Variants in MYO6 observed in about 807,000 individuals in gnomAD.
MYO6 encodes myosin VI, also known as unconventional myosin-VI.
MYO6 carries 74 observed loss-of-function variants against 178.7 expected under a neutral mutation model. That is an observed-to-expected ratio of 0.41 (90% CI 0.34 to 0.50). MYO6 has a LOEUF of 0.50. Among genes scored for constraint, MYO6 ranks in the 20% least tolerant of loss-of-function variants. MYO6 has a pLI of 0.09. For synonymous variants in MYO6, 477 were observed against 504.6 expected, an observed-to-expected ratio of 0.95 and a Z score of 0.73; for missense variants, 1,330 against 1,547.4, an observed-to-expected ratio of 0.86 and a Z score of 2.36.
At chr6:75,853,313 T>C (rs1217605333) in intron 11 of MYO6, among the ~76,000 whole-genome samples, 1 of 152,220 alleles carries the variant, frequency 6.6e-6, no homozygotes, top group African/African-American at 2.4e-5. Flanking sequence ...GATAGTGTTC[T>C]TTGAAACTCA....
chr6:75,874,741 C>G (rs1482059914), intron 20 of MYO6, among the ~76,000 whole-genome samples: 2 of 152,206 alleles, frequency 1.3e-5, no homozygotes, highest in Non-Finnish European at 2.9e-5. Flanking sequence ...ATTTCTCTTA[C>G]AGCTACCTCT....
chr6:75,916,925 T>C lies in MYO6; in HGVS notation c.*1913T>C, dbSNP rs753214139. ...TAATAGTTAATACAATTATAGTTAA[T>C]CTTAAGCCATAATGTTTCTAATCAT... On this transcript the variant is annotated 3_prime_UTR_variant, in exon 35 of 35. Transcript: ENST00000369977. 6.6e-5 allele frequency: 10 copies of C among 152,226 alleles called. No homozygotes were observed. Among genetic ancestry groups the C allele is most frequent in the Non-Finnish European group, 1.2e-4 (8 of 68,032 alleles). 9.4% of individuals were successfully genotyped at this position (152,226 alleles called of 1,614,324 possible).
chr6:75,852,384 A>G (rs1326949809), intron 11 of MYO6, among the ~76,000 whole-genome samples: 1 of 151,910 alleles, frequency 6.6e-6, no homozygotes, highest in Non-Finnish European at 1.5e-5. Flanking sequence ...CATACAGTTC[A>G]CTCAATTGAA....
intron 3 of MYO6, 89 bp downstream of exon 3, chr6:75,822,940 C>G: frequency 9.9e-7 from 1 of 1,013,382 alleles, no homozygotes; most frequent in Non-Finnish European, 1.6e-6. Flanking sequence ...AACTGATACA[C>G]TGTGCGGGTT....
At chr6:75,812,958 C>T (rs1770841178) in intron 1 of MYO6, among the ~76,000 whole-genome samples, 1 of 152,174 alleles carries the variant, frequency 6.6e-6, no homozygotes, top group African/African-American at 2.4e-5. Context: ...TCTTGAGTTC[C>T]TAGCAGTGGG....
rs1429764803 is a variant in MYO6, at chr6:75,890,137, A to C, written c.2739A>C (p.Leu913Phe). The C allele has an allele frequency of 1.9e-6, 3 of 1,614,004 alleles. No individual in the cohort carries two copies. The highest frequency in any genetic ancestry group is 1.3e-5 in the African/African-American group (1 of 75,020). Residue 913 changes from leucine to phenylalanine, a missense_variant, in exon 26 of 35, where the codon TTA becomes TTC. Leu to Phe is a conservative substitution (Grantham distance 22). Coordinates refer to ENST00000369977, the MANE Select transcript of MYO6 (RefSeq NM_004999.4). ...VKSSEELLSA[L>F]QKKKQQEEEA... ...GCTCAGAGGAACTCCTCAGTGCATT[A>C]CAGAAAAAAAAACAGCAGGAAGAGG... is the stretch of plus-strand genomic sequence containing the variant.
chr6:75,806,990 TAAA>T (rs1399388606), intron 1 of MYO6, among the ~76,000 whole-genome samples: 1 of 152,108 alleles, frequency 6.6e-6, no homozygotes, highest in Non-Finnish European at 1.5e-5. Flanking sequence ...TCAGCACAGA[TAAA>T]AAACTGAACT....
At chr6:75,766,055 G>A (rs1778388710) in intron 1 of MYO6, among the ~76,000 whole-genome samples, 1 of 152,160 alleles carries the variant, frequency 6.6e-6, no homozygotes, top group African/African-American at 2.4e-5. Flanking sequence ...GGGCATGGTG[G>A]CTCACACCTG....
chr6:75,903,168 G>A (rs12199094), intron 30 of MYO6, among the ~76,000 whole-genome samples: 43,204 of 151,788 alleles, frequency 0.28, 7,405 homozygotes, highest in Admixed American at 0.45. Flanking sequence ...TTTTGGAATA[G>A]GTGTGGTGTG....
intron 12 of MYO6, among the ~76,000 whole-genome samples, chr6:75,855,926 A>AT (rs1299212848): frequency 6.6e-6 from 1 of 152,200 alleles, no homozygotes; most frequent in Non-Finnish European, 1.5e-5. Flanking sequence ...TACTAATAAG[A>AT]TAGGCAGTGA....
At chr6:75,867,233 T>C (rs749514267) in intron 18 of MYO6, 128 bp downstream of exon 18, 57 of 727,860 alleles carry the variant, frequency 7.8e-5, no homozygotes, top group Non-Finnish European at 1.2e-4. Flanking sequence ...CCCTGCATTG[T>C]TGATATTTGT....
In MYO6 at chr6:75,918,624, A is replaced by G. The variant is rs910354862; in HGVS notation, c.*3612A>G. The G allele has an allele frequency of 1.1e-4, 17 of 152,188 alleles. No individual in the cohort carries two copies. Among genetic ancestry groups the G allele is most frequent in the African/African-American group, 3.6e-4 (15 of 41,440 alleles). 9.4% of individuals were successfully genotyped at this position (152,188 alleles called of 1,614,324 possible). ...AGCCTCATGGAAGGGTAAGATGGAGAGACTGGCAGAAGTAGCACCTACTCT... is the reference window on the plus strand; with the variant it reads ...AGCCTCATGGAAGGGTAAGATGGAGGGACTGGCAGAAGTAGCACCTACTCT... On this transcript the variant is annotated 3_prime_UTR_variant, in exon 35 of 35. Transcript: ENST00000369977.
chr6:75,905,772 T>C (rs1050434210), intron 30 of MYO6, among the ~76,000 whole-genome samples: 2 of 152,244 alleles, frequency 1.3e-5, no homozygotes, highest in African/African-American at 4.8e-5. Context: ...TAGTCTTATA[T>C]GTAACTAAGA....
rs1284533571 is a variant in MYO6 at position 75,761,899 on chromosome 6, T to TA, written c.-48+12480dup. ...GTAATGATGGATTGAATGAGTGATC[T>TA]AAAATCATCCTAGCACAGTATAATT... is the stretch of plus-strand genomic sequence containing the variant. On this transcript the variant is annotated intron_variant, in intron 1 of 34. Coordinates refer to ENST00000369977, the MANE Select transcript of MYO6 (RefSeq NM_004999.4). 2.0e-5 allele frequency among the ~76,000 whole-genome samples: 3 copies of TA among 152,012 alleles called. 1 individual carries two copies.
At chr6:75,792,256 C>T (rs1768326015) in intron 1 of MYO6, among the ~76,000 whole-genome samples, 1 of 152,178 alleles carries the variant, frequency 6.6e-6, no homozygotes, top group Non-Finnish European at 1.5e-5. Flanking sequence ...GATTTCATGG[C>T]TTGATCCAGT....
rs1381602564 is a variant in MYO6, at chr6:75,841,848, C to G, written c.816+470C>G. Among the ~76,000 whole-genome samples the G allele has an allele frequency of 2.0e-5, 3 of 152,124 alleles. No homozygotes were observed. The East Asian group carries it at 5.8e-4, about 29-fold the overall frequency. On this transcript the variant is annotated intron_variant, in intron 9 of 34. Transcript: ENST00000369977. Reference sequence around the variant, plus strand: ...AATGACCACTGTACTGAGAAGATCTCTATTAAGGTGTACTGCTGAGTTTAT... The same window carrying G: ...AATGACCACTGTACTGAGAAGATCTGTATTAAGGTGTACTGCTGAGTTTAT...
intron 2 of MYO6, among the ~76,000 whole-genome samples, chr6:75,820,197 T>G (rs995003771): frequency 6.6e-6 from 1 of 152,294 alleles, no homozygotes; most frequent in South Asian, 2.1e-4. Flanking sequence ...GCTTTGCTGG[T>G]CTTCTGTTGT....
intron 1 of MYO6, among the ~76,000 whole-genome samples, chr6:75,767,864 T>A (rs902336498): frequency 3.3e-5 from 5 of 152,010 alleles, no homozygotes; most frequent in South Asian, 2.1e-4. Flanking sequence ...TTCTTGCATT[T>A]AAAAAAAATG....
At chr6:75,793,717 G>A (rs1320974810) in intron 1 of MYO6, among the ~76,000 whole-genome samples, 2 of 152,158 alleles carry the variant, frequency 1.3e-5, no homozygotes, top group East Asian at 1.9e-4. Flanking sequence ...ATAAAGATGT[G>A]TTTCCTTGTT....
Sources: gnomAD v4.1 joint callset for allele counts (sites outside exome capture counted in the v4.1 genomes callset) on GRCh38, gnomAD v4.1.1 for gene constraint, MANE v1.5 for transcripts, NCBI Gene and HGNC (gene_info 2026-07-23, HGNC 2026-07-21) for gene names.